DNER: variants seen among roughly 807,000 people sequenced by gnomAD.
DNER encodes delta/notch like EGF repeat containing.
A neutral mutation model predicts 78.2 loss-of-function variants in DNER; 33 were observed. The ratio of observed to expected loss-of-function variants is 0.42; its 90% CI spans 0.32 to 0.56. The LOEUF is 0.56. Ranked by LOEUF, DNER falls within the 20% of genes least tolerant of loss-of-function variation. The pLI is 0.11. For synonymous variants in DNER, 417 were observed against 384.8 expected (o/e 1.08, Z -0.98); for missense variants, 918 against 975.3 (o/e 0.94, Z 0.78).
At chr2:229,694,188 G>A (rs1050335899) in intron 1 of DNER, among the ~76,000 whole-genome samples, 1 of 152,248 alleles carries the variant, frequency 6.6e-6, no homozygotes, top group South Asian at 2.1e-4. Context: ...GTCAAGAACT[G>A]AGGTTTGGGA....
chr2:229,506,484 A>G (rs916521509), intron 6 of DNER, among the ~76,000 whole-genome samples: 5 of 150,828 alleles, frequency 3.3e-5, no homozygotes, highest in African/African-American at 9.7e-5. Flanking sequence ...CAAAGTTCAT[A>G]TATTTGTAAT....
At chr2:229,511,263 G>A (rs1253703763) in intron 6 of DNER, among the ~76,000 whole-genome samples, 1 of 152,186 alleles carries the variant, frequency 6.6e-6, no homozygotes, top group Admixed American at 6.5e-5. Flanking sequence ...GAGAAAAGAT[G>A]ATGTCAGTTT....
chr2:229,483,635 A>G (rs561794815), intron 6 of DNER, among the ~76,000 whole-genome samples: 1 of 152,202 alleles, frequency 6.6e-6, no homozygotes, highest in Non-Finnish European at 1.5e-5. Context: ...CATACAAAAG[A>G]TAATTTCAAA....
intron 11 of DNER, among the ~76,000 whole-genome samples, chr2:229,383,016 G>T (rs207661): frequency 6.6e-6 from 1 of 152,124 alleles, no homozygotes; most frequent in African/African-American, 2.4e-5. Flanking sequence ...CAGAGAGAAA[G>T]GTCGGGTTAC....
chr2:229,467,135 G>A (rs1367118939), intron 7 of DNER, among the ~76,000 whole-genome samples: 1 of 152,158 alleles, frequency 6.6e-6, no homozygotes. Flanking sequence ...AGCGGCCAAG[G>A]GCATTGCTAA....
At chr2:229,563,984 C>T (rs542907219) in intron 4 of DNER, among the ~76,000 whole-genome samples, 2 of 149,228 alleles carry the variant, frequency 1.3e-5, no homozygotes, top group Non-Finnish European at 3.0e-5. Context: ...TCACCATCAT[C>T]ATCATCATCA....
intron 1 of DNER, among the ~76,000 whole-genome samples, chr2:229,598,963 G>A (rs926585877): frequency 2.0e-5 from 3 of 152,106 alleles, no homozygotes; most frequent in African/African-American, 7.2e-5. Context: ...GGGAAGAACC[G>A]AGCCGACCAG....
intron 1 of DNER, among the ~76,000 whole-genome samples, chr2:229,630,523 A>ATAATAAT (rs71045782): frequency 6.8e-6 from 1 of 147,618 alleles, no homozygotes; most frequent in Non-Finnish European, 1.5e-5. Context: ...AATAATAATA[A>ATAATAAT]AATCTTCTGG....
intron 6 of DNER, among the ~76,000 whole-genome samples, chr2:229,500,898 C>T (rs537656883): frequency 6.6e-6 from 1 of 152,084 alleles, no homozygotes; most frequent in Admixed American, 6.6e-5. Flanking sequence ...CATTCTTATG[C>T]CTTTGCATTC....
At chr2:229,462,537 C>T (rs1211631895) in intron 7 of DNER, among the ~76,000 whole-genome samples, 1 of 151,986 alleles carries the variant, frequency 6.6e-6, no homozygotes, top group Non-Finnish European at 1.5e-5. Context: ...ACATCATGAA[C>T]CCAAACACTT....
At chr2:229,502,545 C>A (rs1695643865) in intron 6 of DNER, among the ~76,000 whole-genome samples, 1 of 152,126 alleles carries the variant, frequency 6.6e-6, no homozygotes, top group Non-Finnish European at 1.5e-5. Context: ...CGGGGAGCTA[C>A]AAATAGGTCT....
chr2:229,477,459 G>A lies in DNER; in HGVS notation c.1148-206C>T, dbSNP rs530144459. 3.3e-5 allele frequency among the ~76,000 whole-genome samples: 5 copies of A among 152,210 alleles called. No individual in the cohort carries two copies. In the South Asian group the frequency reaches 6.2e-4, roughly 19 times the overall value. On this transcript the variant is annotated intron_variant, in intron 6 of 12. Coordinates refer to ENST00000341772, the MANE Select transcript of DNER (RefSeq NM_139072.4). ...GGTTTAGAGTCATAGTTCAAAAATCGTTTACTCTGCAAAAATCTTTATTGC... is the reference window on the plus strand; with the variant it reads ...GGTTTAGAGTCATAGTTCAAAAATCATTTACTCTGCAAAAATCTTTATTGC...
rs1038813183 is a variant in DNER at position 229,515,907 on chromosome 2, G to T, written c.994-2971C>A. ...TCCTCCCGCCTCGGCCTCCCAAAGT[G>T]CTGGGATTACAGGCATGAGCCACCG... On this transcript the variant is annotated intron_variant, in intron 5 of 12. Coordinates refer to ENST00000341772, the MANE Select transcript of DNER (RefSeq NM_139072.4). Among the ~76,000 whole-genome samples the T allele has an allele frequency of 2.0e-5, 3 of 152,208 alleles. No homozygotes were observed. The East Asian group carries it at 5.8e-4, about 29-fold the overall frequency.
At chr2:229,382,071 C>G (rs945392214) in intron 11 of DNER, among the ~76,000 whole-genome samples, 1 of 152,196 alleles carries the variant, frequency 6.6e-6, no homozygotes, top group Non-Finnish European at 1.5e-5. Context: ...GATGAAGGAA[C>G]AGGCAGACAT....
At chr2:229,426,440 CAAAAAAAAAAA>C (rs58842918) in intron 8 of DNER, among the ~76,000 whole-genome samples, 1,159 of 69,284 alleles carry the variant, frequency 0.017, 16 homozygotes, top group African/African-American at 0.056. Flanking sequence ...GACTCCATCT[CAAAAAAAAAAA>C]AAAAAAAAAA....
intron 7 of DNER, among the ~76,000 whole-genome samples, chr2:229,474,267 A>G (rs544670064): frequency 2.2e-4 from 33 of 152,330 alleles, no homozygotes; most frequent in Non-Finnish European, 3.2e-4. Context: ...GACACACAAA[A>G]GCAAGCACTG....
intron 1 of DNER, among the ~76,000 whole-genome samples, chr2:229,665,228 A>G (rs1253163871): frequency 2.0e-5 from 3 of 152,220 alleles, no homozygotes; most frequent in African/African-American, 7.2e-5. Context: ...TTAAGGTAAG[A>G]AAATGAATTC....
chr2:229,491,216 C>A (rs887446645), intron 6 of DNER, among the ~76,000 whole-genome samples: 2 of 152,246 alleles, frequency 1.3e-5, no homozygotes, highest in African/African-American at 4.8e-5. Context: ...TGCACATTAT[C>A]TTGGTCCATT....
chr2:229,367,028 G>A lies in DNER; in HGVS notation c.1947C>T (p.Ala649=), dbSNP rs770702460. 54 of 1,613,964 alleles carry A rather than the reference G, an allele frequency of 3.3e-5. No individual in the cohort carries two copies. Among genetic ancestry groups the A allele is most frequent in the East Asian group, 4.5e-5 (2 of 44,866 alleles). ...TCAGGATGATCAGCATAAGGATGAA[G>A]GCCACGCAGAGGGCTCCAATGATGA... ...LYIIIGALCV[A]FILMLIILIV... Residue 649 remains alanine (A), a synonymous_variant, in exon 12 of 13, where the codon GCC becomes GCT. Coordinates refer to ENST00000341772, the MANE Select transcript of DNER (RefSeq NM_139072.4).
Sources: allele counts gnomAD v4.1 joint callset (sites outside exome capture counted in the v4.1 genomes callset), GRCh38; gene constraint gnomAD v4.1.1; transcripts MANE v1.5; gene names NCBI Gene and HGNC (gene_info 2026-07-23, HGNC 2026-07-21).